GRIN2B: variants seen among roughly 807,000 people sequenced by gnomAD.
GRIN2B encodes glutamate ionotropic receptor NMDA type subunit 2B, also known as glutamate receptor ionotropic, NMDA 2B.
GRIN2B carries 5 observed loss-of-function variants against 114.5 expected under a neutral mutation model. The observed-to-expected ratio is 0.04, with a 90% confidence interval of 0.02 to 0.09. GRIN2B has a LOEUF of 0.09. GRIN2B is among the 10% of genes least tolerant of loss of function. GRIN2B has a pLI of 1.00. For synonymous variants in GRIN2B, 787 were observed against 745.1 expected (o/e 1.06, Z -0.92); for missense variants, 1,108 against 1,943.5 (o/e 0.57, Z 8.08).
intron 2 of GRIN2B, among the ~76,000 whole-genome samples, chr12:13,882,555 G>C (rs1336306957): frequency 1.3e-5 from 2 of 152,034 alleles, no homozygotes; most frequent in Non-Finnish European, 2.9e-5. Flanking sequence ...CCTCAGAGAG[G>C]CTCATCTCTA....
Position 13,898,286 on chromosome 12 carries a change from T to C in GRIN2B, c.-18-32060A>G, listed in dbSNP as rs772641983. On this transcript the variant is annotated intron_variant, in intron 2 of 13. Coordinates refer to ENST00000609686, the MANE Select transcript of GRIN2B (RefSeq NM_000834.5). Reference sequence around the variant, plus strand: ...TTGATTAATAGAACTAGGGAAATAATAATGTCATTTATTGAGTATTTAAGT... The same window carrying C: ...TTGATTAATAGAACTAGGGAAATAACAATGTCATTTATTGAGTATTTAAGT... 2.6e-5 allele frequency among the ~76,000 whole-genome samples: 4 copies of C among 152,210 alleles called. No individual in the cohort carries two copies. The East Asian group carries it at 7.7e-4, about 29-fold the overall frequency.
intron 3 of GRIN2B, among the ~76,000 whole-genome samples, chr12:13,787,103 G>T (rs1000442454): frequency 6.6e-6 from 1 of 151,970 alleles, no homozygotes; most frequent in African/African-American, 2.4e-5. Flanking sequence ...TTTTCTTAAG[G>T]CCTATTAAAA....
At chr12:13,834,218 T>TTTTTTTTTTTTTTTTTTTTC (rs1565555844) in intron 3 of GRIN2B, among the ~76,000 whole-genome samples, 14 of 146,600 alleles carry the variant, frequency 9.5e-5, no homozygotes, top group African/African-American at 3.6e-4. Context: ...TTTTTTTTTT[T>TTTTTTTTTTTTTTTTTTTTC]AGTAGAGATG....
At chr12:13,745,851 G>A (rs1232907184) in intron 4 of GRIN2B, among the ~76,000 whole-genome samples, 3 of 152,004 alleles carry the variant, frequency 2.0e-5, no homozygotes, top group Admixed American at 6.6e-5. Context: ...CCTGGGCCTC[G>A]GGTTCCTTAA....
rs188536166 is a variant in GRIN2B at position 13,580,368 on chromosome 12, C to T, written c.2011-8404G>A. The stretch of plus-strand genomic sequence containing the variant: ...AACCAGTGCTGTGACCTTGCAGAGG[C>T]GGATATTGCACATCCTATTTGCAGG... On this transcript the variant is annotated intron_variant, in intron 10 of 13. Transcript: ENST00000609686. Among the ~76,000 whole-genome samples the T allele has an allele frequency of 3.8e-3, 579 of 152,244 alleles. 1 individual carries two copies. Among genetic ancestry groups the T allele is most frequent in the Admixed American group, 6.9e-3 (106 of 15,296 alleles).
At chr12:13,750,147 TCA>T (rs1429139259) in intron 4 of GRIN2B, among the ~76,000 whole-genome samples, 4 of 151,996 alleles carry the variant, frequency 2.6e-5, no homozygotes, top group East Asian at 1.9e-4. Context: ...CCTCTCTCTC[TCA>T]GTCTCTCTGC....
intron 2 of GRIN2B, among the ~76,000 whole-genome samples, chr12:13,964,755 A>G (rs1302036446): frequency 6.6e-6 from 1 of 152,226 alleles, no homozygotes; most frequent in Non-Finnish European, 1.5e-5. Context: ...GGAAGGCAGC[A>G]AAGATGAAGC....
At chr12:13,814,846 G>C (rs1257984631) in intron 3 of GRIN2B, among the ~76,000 whole-genome samples, 1 of 152,176 alleles carries the variant, frequency 6.6e-6, no homozygotes, top group African/African-American at 2.4e-5. Flanking sequence ...CTACTGTACT[G>C]GTCACTACAG....
intron 2 of GRIN2B, among the ~76,000 whole-genome samples, chr12:13,929,173 A>T (rs1866973489): frequency 6.6e-6 from 1 of 152,240 alleles, no homozygotes; most frequent in Non-Finnish European, 1.5e-5. Context: ...ATCATTATCA[A>T]TAATCCTTAA....
At chr12:13,870,252 G>T (rs904897601) in intron 2 of GRIN2B, among the ~76,000 whole-genome samples, 1 of 152,158 alleles carries the variant, frequency 6.6e-6, no homozygotes, top group Admixed American at 6.5e-5. Context: ...TCAGGCCAGG[G>T]CCAGTATTGG....
intron 3 of GRIN2B, among the ~76,000 whole-genome samples, chr12:13,808,214 C>A (rs954397135): frequency 1.3e-5 from 2 of 152,044 alleles, no homozygotes; most frequent in Non-Finnish European, 2.9e-5. Context: ...GGGGTGCTAA[C>A]TGATGGGCAA....
At chr12:13,893,975 T>G (rs967230153) in intron 2 of GRIN2B, among the ~76,000 whole-genome samples, 68 of 152,160 alleles carry the variant, frequency 4.5e-4, no homozygotes, top group African/African-American at 1.4e-3. Context: ...CCTGGAAAAT[T>G]GTCCGATATT....
chr12:13,773,164 C>A (rs566077452), intron 3 of GRIN2B, among the ~76,000 whole-genome samples: 11 of 152,304 alleles, frequency 7.2e-5, no homozygotes, highest in African/African-American at 2.6e-4. Context: ...CAAGTTCCTA[C>A]CCATCCAGCA....
chr12:13,646,766 C>T (rs1325941336), intron 5 of GRIN2B, among the ~76,000 whole-genome samples: 1 of 151,996 alleles, frequency 6.6e-6, no homozygotes, highest in Non-Finnish European at 1.5e-5. Context: ...TGGGCTCAGA[C>T]TATCCTCCTG....
intron 2 of GRIN2B, among the ~76,000 whole-genome samples, chr12:13,967,209 C>T (rs1867804089): frequency 6.6e-6 from 1 of 152,216 alleles, no homozygotes; most frequent in Non-Finnish European, 1.5e-5. Flanking sequence ...GTCCACAAAT[C>T]ATTCACAGAA....
chr12:13,694,698 T>A (rs1950245409), intron 4 of GRIN2B, among the ~76,000 whole-genome samples: 2 of 122,612 alleles, frequency 1.6e-5, no homozygotes, highest in East Asian at 2.4e-4. Context: ...TATATATATA[T>A]ATATAAATTA....
intron 1 of GRIN2B, among the ~76,000 whole-genome samples, chr12:13,980,782 G>T (rs1863118741): frequency 6.6e-6 from 1 of 152,176 alleles, no homozygotes. Context: ...TGTCTCGCTC[G>T]CTCTCCCCAT....
chr12:13,703,853 C>T (rs1950334337), intron 4 of GRIN2B, among the ~76,000 whole-genome samples: 1 of 152,304 alleles, frequency 6.6e-6, no homozygotes, highest in East Asian at 1.9e-4. Flanking sequence ...AAAATACATA[C>T]AGCAAATGTA....
chr12:13,746,677 C>T (rs1005218222), intron 4 of GRIN2B, among the ~76,000 whole-genome samples: 7 of 152,200 alleles, frequency 4.6e-5, no homozygotes, highest in Non-Finnish European at 8.8e-5. Flanking sequence ...TGAAATGTGA[C>T]CCCAATGCTG....
Sources: gnomAD v4.1 joint callset for allele counts (sites outside exome capture counted in the v4.1 genomes callset) on GRCh38, gnomAD v4.1.1 for gene constraint, MANE v1.5 for transcripts, NCBI Gene and HGNC (gene_info 2026-07-23, HGNC 2026-07-21) for gene names.